Variants in ABI1 observed in about 807,000 individuals in gnomAD.
ABI1 encodes abl interactor 1.
A neutral mutation model predicts 54.6 loss-of-function variants in ABI1; 14 were observed. That is an observed-to-expected ratio of 0.26 (90% CI 0.17 to 0.40). The LOEUF (loss-of-function observed/expected upper bound fraction) is 0.40. Among genes scored for constraint, ABI1 ranks in the 10% least tolerant of loss-of-function variants. ABI1 has a pLI of 1.00. For missense variants in ABI1, 443 were observed against 598.3 expected, an observed-to-expected ratio of 0.74 and a Z score of 2.71; for synonymous variants, 194 against 209.3, an observed-to-expected ratio of 0.93 and a Z score of 0.63.
chr10:26,832,127 A>G (rs79332645), intron 1 of ABI1, among the ~76,000 whole-genome samples: 10,378 of 152,282 alleles, frequency 0.068, 398 homozygotes, highest in East Asian at 0.14. Context: ...AAACAATGAC[A>G]AATATGCCAT....
intron 2 of ABI1, among the ~76,000 whole-genome samples, chr10:26,813,421 C>T (rs896052264): frequency 5.3e-5 from 8 of 151,998 alleles, no homozygotes; most frequent in Non-Finnish European, 1.0e-4. Context: ...AAATGTATGA[C>T]GGAGAGCCAA....
chr10:26,751,747 G>A lies in ABI1; in HGVS notation c.1121C>T (p.Pro374Leu), dbSNP rs1198154777. The A allele has an allele frequency of 1.2e-6, 2 of 1,613,116 alleles. No individual in the cohort carries two copies. Among genetic ancestry groups the A allele is most frequent in the Non-Finnish European group, 1.7e-6 (2 of 1,179,636 alleles). Reference protein sequence around the residue: ...DSPTPPPPPPPDDIPMFDDSP... With the variant: ...DSPTPPPPPPLDDIPMFDDSP... ...GTCATCAAACATGGGAATGTCATCT[G>A]GTGGAGGTGGTGGCGGTGGAGTTGG... The change falls in exon 10 of 11, where the codon CCA (proline) becomes CTA (leucine). Residue 374 changes from proline (P) to leucine (L), a missense_variant. Transcript: ENST00000376140.
chr10:26,846,128 T>A (rs7078643), intron 1 of ABI1, among the ~76,000 whole-genome samples: 1 of 147,500 alleles, frequency 6.8e-6, no homozygotes, highest in African/African-American at 2.5e-5. Flanking sequence ...GGCGACAGAG[T>A]GAGACTCCGT....
Position 26,746,629 on chromosome 10 carries a change from G to GT in ABI1, c.*1940dup. On this transcript the variant is annotated 3_prime_UTR_variant, in exon 11 of 11. Coordinates refer to ENST00000376140, the MANE Select transcript of ABI1 (RefSeq NM_001012750.3). Reference sequence around the variant, plus strand: ...CAATTTATTTTTTTTTATTGCAAAAGTTTTTTCAGAAAACTTTTTAAATGT... The same window carrying GT: ...CAATTTATTTTTTTTTATTGCAAAAGTTTTTTTCAGAAAACTTTTTAAATGT... The GT allele has an allele frequency of 2.6e-6, 2 of 764,064 alleles. No homozygotes were observed. The highest frequency in any genetic ancestry group is 3.3e-5 in the South Asian group (2 of 60,318). The allele number at this position is 764,064 out of a possible 1,614,324, so 47.3% of individuals were successfully genotyped here.
chr10:26,775,651 C>T (rs1425038801), intron 3 of ABI1, among the ~76,000 whole-genome samples: 1 of 152,150 alleles, frequency 6.6e-6, no homozygotes, highest in African/African-American at 2.4e-5. Flanking sequence ...CCCAAAACTT[C>T]CTTGTAAAAT....
intron 1 of ABI1, among the ~76,000 whole-genome samples, chr10:26,827,511 C>A (rs948300148): frequency 3.9e-5 from 6 of 152,132 alleles, no homozygotes; most frequent in African/African-American, 1.4e-4. Flanking sequence ...GTGTGAGCCA[C>A]CACGCCCAGC....
chr10:26,749,735 G>C (rs1483105853), intron 10 of ABI1, among the ~76,000 whole-genome samples: 2 of 152,148 alleles, frequency 1.3e-5, no homozygotes, highest in African/African-American at 4.8e-5. Flanking sequence ...TGTATAAAAT[G>C]GCCCATGGAC....
intron 10 of ABI1, 132 bp downstream of exon 10, chr10:26,751,466 G>T: frequency 2.4e-6 from 2 of 827,858 alleles, no homozygotes; most frequent in Non-Finnish European, 3.6e-6. Context: ...AGGAAGTAAG[G>T]TTTAAGTAAA....
chr10:26,834,047 T>G (rs1222117951), intron 1 of ABI1, among the ~76,000 whole-genome samples: 2 of 151,924 alleles, frequency 1.3e-5, no homozygotes, highest in African/African-American at 4.8e-5. Context: ...CTGGCCAACA[T>G]GGTGAAACCC....
In ABI1 at chr10:26,765,817, C is replaced by T. The variant is rs142931202; in HGVS notation, c.720-499G>A. Reference sequence around the variant, plus strand: ...TAATCCTAATATTTGAAATGGTTTCCTCTACTTCTCAACCTATCTGGAACC... The same window carrying T: ...TAATCCTAATATTTGAAATGGTTTCTTCTACTTCTCAACCTATCTGGAACC... On this transcript the variant is annotated intron_variant, in intron 6 of 10. Coordinates refer to ENST00000376140, the MANE Select transcript of ABI1 (RefSeq NM_001012750.3). 3.2e-4 allele frequency among the ~76,000 whole-genome samples: 48 copies of T among 152,160 alleles called. No individual in the cohort carries two copies. In the East Asian group the frequency reaches 8.5e-3, roughly 27 times the overall value.
At chr10:26,835,887 C>T (rs1435509496) in intron 1 of ABI1, among the ~76,000 whole-genome samples, 1 of 151,364 alleles carries the variant, frequency 6.6e-6, no homozygotes, top group East Asian at 1.9e-4. Context: ...GTAGCTGGCA[C>T]TACAGGCGCA....
intron 1 of ABI1, among the ~76,000 whole-genome samples, chr10:26,828,997 C>T (rs1050895449): frequency 2.6e-5 from 4 of 152,104 alleles, no homozygotes; most frequent in South Asian, 2.1e-4. Flanking sequence ...GAGGCCAAGG[C>T]GGGCGGATCA....
intron 2 of ABI1, among the ~76,000 whole-genome samples, chr10:26,785,170 A>T (rs1186128727): frequency 6.6e-6 from 1 of 152,202 alleles, no homozygotes; most frequent in African/African-American, 2.4e-5. Flanking sequence ...GTGACAAATG[A>T]AGTTGCATAA....
chr10:26,803,784 A>C (rs2046707390), intron 2 of ABI1, among the ~76,000 whole-genome samples: 1 of 152,162 alleles, frequency 6.6e-6, no homozygotes, highest in Admixed American at 6.5e-5. Flanking sequence ...AATTTAAGAG[A>C]CTTGAGGATC....
At chr10:26,818,248 G>A (rs4749186) in intron 2 of ABI1, among the ~76,000 whole-genome samples, 2 of 135,132 alleles carry the variant, frequency 1.5e-5, no homozygotes, top group African/African-American at 2.7e-5. Flanking sequence ...TTTCTGATCA[G>A]AAATAATAAC....
At chr10:26,816,333 T>G (rs1022736873) in intron 2 of ABI1, among the ~76,000 whole-genome samples, 2 of 152,196 alleles carry the variant, frequency 1.3e-5, no homozygotes, top group African/African-American at 4.8e-5. Flanking sequence ...TTCAGGAGAC[T>G]ACAGATATGC....
intron 1 of ABI1, among the ~76,000 whole-genome samples, chr10:26,840,118 A>G (rs1425819291): frequency 6.6e-6 from 1 of 152,174 alleles, no homozygotes; most frequent in Non-Finnish European, 1.5e-5. Context: ...CTCAAACCTC[A>G]TGTTGAAATA....
intron 6 of ABI1, among the ~76,000 whole-genome samples, chr10:26,765,927 T>C (rs1839900326): frequency 6.6e-6 from 1 of 152,200 alleles, no homozygotes; most frequent in Admixed American, 6.5e-5. Context: ...TCAACAATTG[T>C]TTATTCAAAA....
At chr10:26,850,222 T>C (rs964345976) in intron 1 of ABI1, among the ~76,000 whole-genome samples, 4 of 152,272 alleles carry the variant, frequency 2.6e-5, no homozygotes, top group African/African-American at 9.6e-5. Flanking sequence ...CTAAACATTT[T>C]TGTTTTGGAA....
Sources: allele counts gnomAD v4.1 joint callset (sites outside exome capture counted in the v4.1 genomes callset), GRCh38; gene constraint gnomAD v4.1.1; transcripts MANE v1.5; gene names NCBI Gene and HGNC (gene_info 2026-07-23, HGNC 2026-07-21).